Variants in ST18 observed in about 807,000 individuals in gnomAD.
ST18 encodes the protein ST18 C2H2C-type zinc finger transcription factor, also known as suppression of tumorigenicity 18 protein.
Under a neutral mutation model 110.0 loss-of-function variants are expected in ST18, and 50 were observed. The observed-to-expected ratio is 0.45, with a 90% CI of 0.36 to 0.58. The LOEUF (loss-of-function observed/expected upper bound fraction) is 0.58. Among genes scored for constraint, ST18 ranks in the 20% least tolerant of loss-of-function variants. ST18 has a pLI of 0.00. For synonymous variants in ST18, 461 were observed against 452.4 expected (o/e 1.02, Z -0.24); for missense variants, 1,306 against 1,280.1 (o/e 1.02, Z -0.31).
intron 8 of ST18, chr8:52,210,161 T>C (rs1370713843): frequency 4.4e-6 from 2 of 455,828 alleles, no homozygotes; most frequent in Non-Finnish European, 8.8e-6. Flanking sequence ...TGCAAACATG[T>C]CCCCCACTTG....
At chr8:52,200,833 T>A (rs1051300669) in intron 8 of ST18, among the ~76,000 whole-genome samples, 2 of 152,204 alleles carry the variant, frequency 1.3e-5, no homozygotes, top group African/African-American at 4.8e-5. Flanking sequence ...CCCCATTTAC[T>A]GACACGGGAA....
intron 2 of ST18, among the ~76,000 whole-genome samples, chr8:52,257,147 T>C (rs925941313): frequency 3.3e-5 from 5 of 152,246 alleles, no homozygotes; most frequent in Non-Finnish European, 1.5e-5. Flanking sequence ...TTTATTTCTT[T>C]GTATTACTGA....
At chr8:52,189,893 C>T (rs1314438174) in intron 8 of ST18, among the ~76,000 whole-genome samples, 2 of 152,166 alleles carry the variant, frequency 1.3e-5, no homozygotes, top group South Asian at 2.1e-4. Context: ...ATATTGGCTT[C>T]TTGGCTAGTG....
chr8:52,225,779 TC>T (rs1452889136), intron 3 of ST18, among the ~76,000 whole-genome samples: 1 of 152,234 alleles, frequency 6.6e-6, no homozygotes, highest in Non-Finnish European at 1.5e-5. Context: ...CCTTAATATT[TC>T]CTGGTAATGA....
chr8:52,197,832 G>A (rs1302466197), intron 8 of ST18, among the ~76,000 whole-genome samples: 1 of 151,656 alleles, frequency 6.6e-6, no homozygotes, highest in African/African-American at 2.4e-5. Flanking sequence ...AGCCTAGAGG[G>A]CAGACACGAG....
intron 22 of ST18, among the ~76,000 whole-genome samples, chr8:52,131,591 T>A (rs1386746534): frequency 2.6e-5 from 4 of 152,146 alleles, no homozygotes. Flanking sequence ...GCTATAAATA[T>A]GTAAAGTAAA....
chr8:52,137,042 G>T (rs2303462), intron 18 of ST18, among the ~76,000 whole-genome samples: 45,179 of 152,060 alleles, frequency 0.3, 9,674 homozygotes, highest in African/African-American at 0.61. Context: ...CAACTCCTTT[G>T]CACTGTTTAA....
chr8:52,335,668 C>T (rs1811694663), intron 2 of ST18, among the ~76,000 whole-genome samples: 1 of 152,172 alleles, frequency 6.6e-6, no homozygotes, highest in Non-Finnish European at 1.5e-5. Flanking sequence ...CATGTCAGCA[C>T]TCAAAAAGTT....
chr8:52,277,953 G>T (rs528251013), intron 2 of ST18, among the ~76,000 whole-genome samples: 1 of 152,034 alleles, frequency 6.6e-6, no homozygotes, highest in East Asian at 1.9e-4. Context: ...TGGGTAATTG[G>T]AGTCAACAGG....
At chr8:52,378,364 T>A (rs185156146) in intron 2 of ST18, among the ~76,000 whole-genome samples, 141 of 152,242 alleles carry the variant, frequency 9.3e-4, no homozygotes, top group African/African-American at 3.3e-3. Flanking sequence ...ACCCCACAAA[T>A]ATATACAACT....
At chr8:52,197,117 G>A (rs1380806236) in intron 8 of ST18, among the ~76,000 whole-genome samples, 2 of 152,206 alleles carry the variant, frequency 1.3e-5, no homozygotes, top group Non-Finnish European at 1.5e-5. Flanking sequence ...TCGGCTCTCA[G>A]TGTTGAATGG....
chr8:52,293,020 G>C (rs1020931280), intron 2 of ST18, among the ~76,000 whole-genome samples: 8 of 152,142 alleles, frequency 5.3e-5, no homozygotes, highest in Non-Finnish European at 1.2e-4. Flanking sequence ...GAAATTAATC[G>C]ATCGTGAGAA....
intron 2 of ST18, among the ~76,000 whole-genome samples, chr8:52,362,233 A>G (rs917554491): frequency 2.6e-5 from 4 of 152,216 alleles, no homozygotes; most frequent in African/African-American, 9.6e-5. Flanking sequence ...ATTCCCTTAT[A>G]TTGGTATGAA....
At chr8:52,117,008 A>T (rs1043480626) in intron 24 of ST18, among the ~76,000 whole-genome samples, 17 of 152,304 alleles carry the variant, frequency 1.1e-4, no homozygotes, top group African/African-American at 3.8e-4. Context: ...CAGCATGTCA[A>T]TCAGATGGGA....
intron 10 of ST18, among the ~76,000 whole-genome samples, chr8:52,169,846 CCTCAGGCA>C (rs2064201669): frequency 6.6e-6 from 1 of 152,152 alleles, no homozygotes; most frequent in South Asian, 2.1e-4. Flanking sequence ...TGCCCCCATG[CCTCAGGCA>C]CTAGGATATA....
At chr8:52,191,471 C>T (rs2074447497) in intron 8 of ST18, among the ~76,000 whole-genome samples, 1 of 152,172 alleles carries the variant, frequency 6.6e-6, no homozygotes, top group Non-Finnish European at 1.5e-5. Flanking sequence ...CTAGTGGGAA[C>T]AAGCAAGCCA....
chr8:52,356,871 T>C (rs1307100243), intron 2 of ST18, among the ~76,000 whole-genome samples: 6 of 152,110 alleles, frequency 3.9e-5, no homozygotes, highest in African/African-American at 1.4e-4. Context: ...GGTTCAATAG[T>C]AGATTTGAGC....
At chr8:52,144,145 T>A (rs2132156062) in intron 16 of ST18, among the ~76,000 whole-genome samples, 1 of 152,254 alleles carries the variant, frequency 6.6e-6, no homozygotes, top group South Asian at 2.1e-4. Flanking sequence ...ATTTCACAGA[T>A]AACAAATGAT....
chr8:52,314,556 G>T (rs2095987014), intron 2 of ST18, among the ~76,000 whole-genome samples: 1 of 152,146 alleles, frequency 6.6e-6, no homozygotes, highest in South Asian at 2.1e-4. Flanking sequence ...TCTGCTTCAG[G>T]TTCTGATTCT....
Sources: allele counts gnomAD v4.1 joint callset (sites outside exome capture counted in the v4.1 genomes callset), GRCh38; gene constraint gnomAD v4.1.1; transcripts MANE v1.5; gene names NCBI Gene and HGNC (gene_info 2026-07-23, HGNC 2026-07-21).